Variants in REDIC1 observed in about 807,000 individuals in gnomAD.
REDIC1 encodes the protein regulator of DNA class I crossover intermediates 1.
chr12:39,825,504 TA>T, the REDIC1 span, among the ~76,000 whole-genome samples: 3 of 152,296 alleles, frequency 2.0e-5, no homozygotes, highest in African/African-American at 7.2e-5. Flanking sequence ...TTCTCATCTG[TA>T]AGTAGGGTAT....
At chr12:39,814,130 A>T in the REDIC1 span, among the ~76,000 whole-genome samples, 1 of 152,216 alleles carries the variant, frequency 6.6e-6, no homozygotes, top group Non-Finnish European at 1.5e-5. Context: ...TTAAGAATTA[A>T]ATTAATTTAA....
At chr12:39,750,477 C>G in the REDIC1 span, among the ~76,000 whole-genome samples, 2 of 152,140 alleles carry the variant, frequency 1.3e-5, no homozygotes, top group Admixed American at 6.5e-5. Flanking sequence ...GTGAAAATGA[C>G]CATACTGCCC....
chr12:39,831,618 C>G, the REDIC1 span, among the ~76,000 whole-genome samples: 1 of 152,000 alleles, frequency 6.6e-6, no homozygotes, highest in Non-Finnish European at 1.5e-5. Flanking sequence ...ATTGTAATCC[C>G]CAAAGTTGGA....
At chr12:39,683,442 A>G in the REDIC1 span, 1 of 1,602,724 alleles carries the variant, frequency 6.2e-7, no homozygotes, top group Non-Finnish European at 8.5e-7. Flanking sequence ...TACCAAGAGA[A>G]GACACCACAG....
the REDIC1 span, chr12:39,626,194 C>T: frequency 2.5e-6 from 2 of 810,086 alleles, no homozygotes; most frequent in Admixed American, 2.5e-5. Context: ...GGTTGGGCCT[C>T]AGGCGGTGGA....
At chr12:39,701,626 C>G in the REDIC1 span, among the ~76,000 whole-genome samples, 45 of 152,296 alleles carry the variant, frequency 3.0e-4, no homozygotes, top group African/African-American at 1.0e-3. Context: ...CCCAAATCAA[C>G]ACAATATACA....
chr12:39,885,736 A>G, the REDIC1 span, among the ~76,000 whole-genome samples: 1 of 152,182 alleles, frequency 6.6e-6, no homozygotes, highest in Admixed American at 6.6e-5. Flanking sequence ...TAGCTGCTAA[A>G]ACATTTAGAG....
chr12:39,639,055 T>C, the REDIC1 span, among the ~76,000 whole-genome samples: 3 of 152,074 alleles, frequency 2.0e-5, no homozygotes, highest in East Asian at 3.9e-4. Flanking sequence ...TTGCCAGCTC[T>C]GTTATACTTT....
At chr12:39,892,680 C>T in the REDIC1 span, among the ~76,000 whole-genome samples, 1 of 152,012 alleles carries the variant, frequency 6.6e-6, no homozygotes, top group Non-Finnish European at 1.5e-5. Flanking sequence ...AAATAGTAGC[C>T]TGGACAATTA....
At chr12:39,831,969 T>C in the REDIC1 span, among the ~76,000 whole-genome samples, 1 of 152,158 alleles carries the variant, frequency 6.6e-6, no homozygotes, top group Non-Finnish European at 1.5e-5. Context: ...AAAAACAGAC[T>C]AACACAACTG....
the REDIC1 span, among the ~76,000 whole-genome samples, chr12:39,733,958 A>G: frequency 2.6e-5 from 4 of 152,280 alleles, no homozygotes; most frequent in Non-Finnish European, 5.9e-5. Context: ...TATGAAAAAA[A>G]AACTCCTGCA....
the REDIC1 span, among the ~76,000 whole-genome samples, chr12:39,633,019 C>A: frequency 6.6e-6 from 1 of 151,854 alleles, no homozygotes; most frequent in East Asian, 1.9e-4. Flanking sequence ...GTTTTTCTTT[C>A]TTTAGTAATA....
chr12:39,717,274 C>G, the REDIC1 span, among the ~76,000 whole-genome samples: 1 of 151,726 alleles, frequency 6.6e-6, no homozygotes, highest in Non-Finnish European at 1.5e-5. Context: ...AACTTAACTA[C>G]TAATAGCCTA....
At chr12:39,882,398 T>C in the REDIC1 span, among the ~76,000 whole-genome samples, 1 of 152,326 alleles carries the variant, frequency 6.6e-6, no homozygotes, top group Admixed American at 6.5e-5. Flanking sequence ...TCAAATCCCC[T>C]AGCCTGTTAA....
At chr12:39,750,349 A>G in the REDIC1 span, among the ~76,000 whole-genome samples, 1 of 152,204 alleles carries the variant, frequency 6.6e-6, no homozygotes, top group Non-Finnish European at 1.5e-5. Flanking sequence ...TAGGAATCCA[A>G]CTTACAAGGG....
At chr12:39,749,087 G>A in the REDIC1 span, among the ~76,000 whole-genome samples, 1 of 151,812 alleles carries the variant, frequency 6.6e-6, no homozygotes, top group Non-Finnish European at 1.5e-5. Flanking sequence ...AACTGAAGGA[G>A]ATAGAGACAC....
At chr12:39,629,396 A>G in the REDIC1 span, among the ~76,000 whole-genome samples, 4 of 152,230 alleles carry the variant, frequency 2.6e-5, no homozygotes, top group African/African-American at 7.2e-5. Context: ...ACCAGATTGC[A>G]TACACTAATT....
At chr12:39,683,067 T>A in the REDIC1 span, 2 of 1,612,826 alleles carry the variant, frequency 1.2e-6, no homozygotes, top group Non-Finnish European at 8.5e-7. Context: ...AGAGAGAGTA[T>A]AACAAAAATG....
the REDIC1 span, chr12:39,736,775 G>A: frequency 6.6e-6 from 1 of 152,200 alleles, no homozygotes; most frequent in Non-Finnish European, 1.5e-5. Flanking sequence ...CCTCCATGCT[G>A]GAGAGACCAT....
Sources: gnomAD v4.1 joint callset for allele counts (sites outside exome capture counted in the v4.1 genomes callset) on GRCh38, gnomAD v4.1.1 for gene constraint, MANE v1.5 for transcripts, NCBI Gene and HGNC (gene_info 2026-07-23, HGNC 2026-07-21) for gene names.